The following RPL13 variants were observed in gnomAD, a reference collection of about 807,000 sequenced individuals.
RPL13 encodes the protein ribosomal protein L13, also known as large ribosomal subunit protein eL13.
RPL13 carries 1 observed loss-of-function variant against 21.4 expected under a neutral mutation model. That is an observed-to-expected ratio of 0.05 (90% CI 0.02 to 0.22). RPL13 has a LOEUF of 0.22. RPL13 is among the 10% of genes least tolerant of loss of function. The probability of loss-of-function intolerance (pLI) is 1.00; values close to 1 mark genes in which losing one functional copy is unlikely to be tolerated. For missense variants in RPL13, 289 were observed against 303.0 expected (o/e 0.95, Z 0.34); for synonymous variants, 143 against 120.5 (o/e 1.19, Z -1.23).
chr16:89,564,974 T>C (rs79878470), downstream of RPL13: 6,191 of 152,424 alleles, frequency 0.041, 150 homozygotes, highest in Middle Eastern at 0.054. Context: ...CTGATCTGCG[T>C]GTTCCGGGGG....
At chr16:89,561,547 C>T (rs990840880) in intron 3 of RPL13, 31 bp from the exon 4 acceptor site, 1 of 1,613,200 alleles carries the variant, frequency 6.2e-7, no homozygotes, top group Non-Finnish European at 8.5e-7. Flanking sequence ...AAGCCCGGGC[C>T]TGTCTCCATC....
downstream of RPL13, chr16:89,565,795 G>A (rs149462048): frequency 0.018 from 2,718 of 152,372 alleles, 38 homozygotes; most frequent in Non-Finnish European, 0.027. Flanking sequence ...CTGCCATGGC[G>A]TGGGTCACTG....
chr16:89,560,810 G>A (rs1381186348), intron 1 of RPL13, 98 bp downstream of exon 1: 1 of 582,202 alleles, frequency 1.7e-6, no homozygotes, highest in Admixed American at 3.7e-5. Context: ...CTTCTTCGCA[G>A]ACAGCGTTCG....
At chr16:89,561,433 G>T (rs761525924) in intron 3 of RPL13, 65 bp downstream of exon 3, 2 of 1,612,592 alleles carry the variant, frequency 1.2e-6, no homozygotes, top group South Asian at 2.2e-5. Context: ...CCTCAGTCGC[G>T]TGATGACATT....
rs1016654618 is a variant in RPL13, at chr16:89,563,104, G to C, written c.*62G>C. ...GCTGGGTCTCCACGTGGTGTGTTTC[G>C]TGGGAACAACTGGGCCTGGGATGGG... is the stretch of plus-strand genomic sequence containing the variant. On this transcript the variant is annotated 3_prime_UTR_variant, in exon 6 of 6. Transcript: ENST00000311528. 2 of 1,392,094 alleles carry C rather than the reference G, an allele frequency of 1.4e-6. No homozygotes were observed. The highest frequency in any genetic ancestry group is 3.3e-5 in the Admixed American group (1 of 30,526). The allele number at this position is 1,392,094 out of a possible 1,614,324, so 86.2% of individuals were successfully genotyped here.
chr16:89,566,358 G>C (rs1228807539), downstream of RPL13: 1 of 135,740 alleles, frequency 7.4e-6, no homozygotes, highest in Non-Finnish European at 1.6e-5. Context: ...CACACCGGCT[G>C]CTCTGGCCCG....
intron 4 of RPL13, 164 bp from the exon 5 acceptor site, chr16:89,562,171 A>G (rs2058750063): frequency 1.5e-6 from 1 of 683,922 alleles, no homozygotes; most frequent in Admixed American, 2.9e-5. Flanking sequence ...TCACCTAACT[A>G]ATAAGGACTG....
chr16:89,563,077 A>C lies in RPL13; in HGVS notation c.*35A>C. 1.4e-6 allele frequency: 2 copies of C among 1,465,982 alleles called. No homozygotes were observed. Among genetic ancestry groups the C allele is most frequent in the Non-Finnish European group, 1.8e-6 (2 of 1,103,960 alleles). 90.8% of individuals were successfully genotyped at this position (1,465,982 alleles called of 1,614,324 possible). ...GGGGACTTGGAATCAGTCGGCAGTC[A>C]TGCTGGGTCTCCACGTGGTGTGTTT... On this transcript the variant is annotated 3_prime_UTR_variant, in exon 6 of 6. Transcript: ENST00000311528.
Position 89,561,318 on chromosome 16 carries a change from T to C in RPL13, c.196T>C (p.Tyr66His). 2.5e-6 allele frequency: 4 copies of C among 1,592,446 alleles called. No homozygotes were observed. Among genetic ancestry groups the C allele is most frequent in the Non-Finnish European group, 3.4e-6 (4 of 1,174,036 alleles). Reference sequence around the variant, plus strand: ...CATCGTGCGCTGCCCCACGGTTCGGTACCACACGAAGGTGCGCGCCGGCCG... The same window carrying C: ...CATCGTGCGCTGCCCCACGGTTCGGCACCACACGAAGGTGCGCGCCGGCCG... Reference protein sequence around the residue: ...RPIVRCPTVRYHTKVRAGRGF... With the variant: ...RPIVRCPTVRHHTKVRAGRGF... The change falls in exon 3 of 6, where the codon TAC becomes CAC. Residue 66 changes from tyrosine to histidine, a missense_variant. Coordinates refer to ENST00000311528, the MANE Select transcript of RPL13 (RefSeq NM_000977.4).
intron 4 of RPL13, 170 bp from the exon 5 acceptor site, chr16:89,562,165 C>T (rs1372014434): frequency 4.5e-6 from 3 of 666,582 alleles, no homozygotes; most frequent in Non-Finnish European, 7.9e-6. Flanking sequence ...ATATAGTCAC[C>T]TAACTAATAA....
At chr16:89,562,309 A>T (rs2058751124) in intron 4 of RPL13, 26 bp from the exon 5 acceptor site, 1 of 1,612,804 alleles carries the variant, frequency 6.2e-7, no homozygotes, top group Non-Finnish European at 8.5e-7. Context: ...GGCCAACCCC[A>T]CTTAACTCTT....
chr16:89,561,658 C>T lies in RPL13; in HGVS notation c.327C>T (p.Ser109=), dbSNP rs767866411. ...DPRRRNKSTE[S]LQANVQRLKE... is the part of the protein sequence containing the mutation. ...GGAGGCGGAACAAGTCCACGGAGTCCCTGCAGGCCAACGTGCAGCGGCTGA... is the reference window on the plus strand; with the variant it reads ...GGAGGCGGAACAAGTCCACGGAGTCTCTGCAGGCCAACGTGCAGCGGCTGA... The change falls in exon 4 of 6, where the codon TCC becomes TCT. Residue 109 remains serine, a synonymous_variant. Coordinates refer to ENST00000311528, the MANE Select transcript of RPL13 (RefSeq NM_000977.4). 1 of 1,613,884 alleles carries T rather than the reference C, an allele frequency of 6.2e-7. No individual in the cohort carries two copies. Among genetic ancestry groups the T allele is most frequent in the Non-Finnish European group, 8.5e-7 (1 of 1,180,040 alleles).
At chr16:89,565,608 A>AGTGTGGCCGTGCCCGAGTGTGGGCC (rs2058782301), downstream of RPL13, 1 of 116,530 alleles carries the variant, frequency 8.6e-6, no homozygotes, top group African/African-American at 3.0e-5. Flanking sequence ...GGTGGGGACA[A>AGTGTGGCCGTGCCCGAGTGTGGGCC]GTGCCTGAGT....
In RPL13 at chr16:89,562,345, T is replaced by C; in HGVS notation, c.431T>C (p.Leu144Pro). 1.2e-6 allele frequency: 2 copies of C among 1,613,206 alleles called. No homozygotes were observed. The highest frequency in any genetic ancestry group is 1.7e-6 in the Non-Finnish European group (2 of 1,179,884). The change falls in exon 5 of 6, where the codon CTG becomes CCG. Residue 144 changes from leucine (L) to proline (P), a missense_variant. By Grantham distance (98) the Leu-to-Pro change is moderately conservative. Transcript: ENST00000311528. The stretch of plus-strand genomic sequence containing the variant: ...CTCATTCACCAACAGGCTGAAGAAC[T>C]GAAACTGGCCACCCAGCTGACCGGA... ...PKKGDSSAEELKLATQLTGPV... is the reference protein window; with the variant it reads ...PKKGDSSAEEPKLATQLTGPV...
chr16:89,561,601 G>C lies in RPL13; in HGVS notation c.270G>C (p.Val90=), dbSNP rs1171745360. Residue 90 remains valine (V), a synonymous_variant, in exon 4 of 6, where the codon GTG becomes GTC. Coordinates refer to ENST00000311528, the MANE Select transcript of RPL13 (RefSeq NM_000977.4). The part of the protein sequence containing the change: ...ELRVAGIHKK[V]ARTIGISVDP... ...AGGTGGCCGGCATTCACAAGAAGGT[G>C]GCCCGGACCATCGGCATTTCTGTGG... The C allele has an allele frequency of 2.5e-6, 4 of 1,613,528 alleles. No individual in the cohort carries two copies. Among genetic ancestry groups the C allele is most frequent in the African/African-American group, 2.7e-5 (2 of 74,948 alleles).
chr16:89,563,180 A>AC lies in RPL13; in HGVS notation c.*138_*139insC. 1.3e-6 allele frequency: 1 copy of AC among 785,336 alleles called. No individual in the cohort carries two copies. The allele number at this position is 785,336 out of a possible 1,614,324, so 48.6% of individuals were successfully genotyped here. On this transcript the variant is annotated 3_prime_UTR_variant, in exon 6 of 6. Coordinates refer to ENST00000311528, the MANE Select transcript of RPL13 (RefSeq NM_000977.4). Reference sequence around the variant, plus strand: ...CCAGGGGATTTGGGGCTTTCTTGAAAGACAGTCCAAGCCCTGGATAATGCT... The same window carrying AC: ...CCAGGGGATTTGGGGCTTTCTTGAAACGACAGTCCAAGCCCTGGATAATGCT...
chr16:89,566,554 T>C (rs1294709077), downstream of RPL13: 1 of 152,142 alleles, frequency 6.6e-6, no homozygotes, highest in African/African-American at 2.4e-5. Flanking sequence ...GTCTCAAAAC[T>C]TTGGGAGGCT....
Position 89,563,046 on chromosome 16 carries a change from C to T in RPL13, c.*4C>T. 6.7e-7 allele frequency: 1 copy of T among 1,503,132 alleles called. No homozygotes were observed. Among genetic ancestry groups the T allele is most frequent in the Non-Finnish European group, 8.9e-7 (1 of 1,123,844 alleles). The allele number at this position is 1,503,132 out of a possible 1,614,324, so 93.1% of individuals were successfully genotyped here. A position where few individuals can be genotyped will look rare whatever the true frequency, so the allele number is the denominator to read the frequency against. Reference sequence around the variant, plus strand: ...GGATGTTGAAAAGAAAAAATAAAGCCCTCCTGGGGACTTGGAATCAGTCGG... The same window carrying T: ...GGATGTTGAAAAGAAAAAATAAAGCTCTCCTGGGGACTTGGAATCAGTCGG... On this transcript the variant is annotated 3_prime_UTR_variant, in exon 6 of 6. Transcript: ENST00000311528.
In RPL13 at chr16:89,561,776, C is replaced by G. The variant is rs376881592; in HGVS notation, c.420+25C>G. On this transcript the variant is annotated intron_variant, in intron 4 of 5. Coordinates refer to ENST00000311528, the MANE Select transcript of RPL13 (RefSeq NM_000977.4). ...TGTGAGTACACGGCTCTCTGGCCGT[C>G]CTGGTGCGCGGGGACAGTGAGGCTT... is the stretch of plus-strand genomic sequence containing the variant. 1.5e-5 allele frequency: 24 copies of G among 1,604,694 alleles called. No individual in the cohort carries two copies. In the African/African-American group the frequency reaches 2.9e-4, roughly 20 times the overall value.
Sources: allele counts gnomAD v4.1 joint callset, GRCh38; gene constraint gnomAD v4.1.1; transcripts MANE v1.5; gene names NCBI Gene and HGNC (gene_info 2026-07-23, HGNC 2026-07-21).